Variants in CNTN5 observed in about 807,000 individuals in gnomAD.
CNTN5 encodes contactin 5.
CNTN5 carries 77 observed loss-of-function variants against 129.1 expected under a neutral mutation model. The observed-to-expected ratio is 0.60, with a 90% CI of 0.50 to 0.72. The LOEUF (loss-of-function observed/expected upper bound fraction) is 0.72. CNTN5 is among the 30% of genes least tolerant of loss of function. The pLI, the probability that CNTN5 is intolerant of heterozygous loss-of-function variation, is 0.00. For missense variants in CNTN5, 1,478 were observed against 1,328.8 expected, an observed-to-expected ratio of 1.11 and a Z score of -1.75; for synonymous variants, 509 against 465.6, an observed-to-expected ratio of 1.09 and a Z score of -1.20.
At chr11:100,233,269 G>T (rs1402902636) in intron 16 of CNTN5, among the ~76,000 whole-genome samples, 1 of 152,144 alleles carries the variant, frequency 6.6e-6, no homozygotes, top group Non-Finnish European at 1.5e-5. Flanking sequence ...AAAGAGAGAG[G>T]TAGGGAAAGA....
intron 1 of CNTN5, among the ~76,000 whole-genome samples, chr11:99,145,945 T>A (rs1859763193): frequency 6.6e-6 from 1 of 151,030 alleles, no homozygotes; most frequent in Non-Finnish European, 1.5e-5. Context: ...GTATGTTGAT[T>A]TTTTTTTTAG....
At chr11:99,995,705 C>T (rs761716707) in intron 8 of CNTN5, among the ~76,000 whole-genome samples, 117 of 152,174 alleles carry the variant, frequency 7.7e-4, no homozygotes, top group Non-Finnish European at 1.5e-3. Context: ...TGCACAGTCT[C>T]CTCAGAGAAG....
At chr11:99,439,748 A>G (rs113482231) in intron 2 of CNTN5, among the ~76,000 whole-genome samples, 10,735 of 150,736 alleles carry the variant, frequency 0.071, 449 homozygotes, top group African/African-American at 0.086. Context: ...AAGAAATATC[A>G]CAAATTTGTA....
chr11:99,969,702 G>T (rs1951196775), intron 8 of CNTN5, among the ~76,000 whole-genome samples: 1 of 152,026 alleles, frequency 6.6e-6, no homozygotes, highest in South Asian at 2.1e-4. Context: ...CTGGCAGTTT[G>T]TTCTCCCAAA....
chr11:99,467,244 T>G (rs1342969862), intron 2 of CNTN5, among the ~76,000 whole-genome samples: 2 of 152,168 alleles, frequency 1.3e-5, no homozygotes, highest in Non-Finnish European at 2.9e-5. Context: ...TGCGCTTTTT[T>G]GGGTCTTTCT....
chr11:99,243,869 T>C (rs990301099), intron 1 of CNTN5, among the ~76,000 whole-genome samples: 1 of 151,870 alleles, frequency 6.6e-6, no homozygotes, highest in Non-Finnish European at 1.5e-5. Flanking sequence ...GTACTGAAGC[T>C]TTACAGTATT....
intron 3 of CNTN5, among the ~76,000 whole-genome samples, chr11:99,670,107 ATCT>A (rs1952972398): frequency 6.6e-6 from 1 of 152,114 alleles, no homozygotes; most frequent in Admixed American, 6.5e-5. Context: ...AGTTTAAAAA[ATCT>A]TCTAAGGGAA....
chr11:99,128,058 C>T (rs1858733949), intron 1 of CNTN5, among the ~76,000 whole-genome samples: 1 of 152,112 alleles, frequency 6.6e-6, no homozygotes, highest in South Asian at 2.1e-4. Flanking sequence ...CAACCTCATT[C>T]CAATAACATT....
At chr11:100,280,790 A>ATATGGTGTTTTTCTCT (rs1291881166) in intron 18 of CNTN5, among the ~76,000 whole-genome samples, 1 of 151,900 alleles carries the variant, frequency 6.6e-6, no homozygotes, top group Non-Finnish European at 1.5e-5. Flanking sequence ...CCTATTAGTG[A>ATATGGTGTTTTTCTCT]AGGTGTTTTT....
chr11:99,982,623 AATTT>A (rs1938417267), intron 8 of CNTN5, among the ~76,000 whole-genome samples: 1 of 152,084 alleles, frequency 6.6e-6, no homozygotes, highest in South Asian at 2.1e-4. Context: ...AGACAGGTCA[AATTT>A]ATTTATTTTT....
At chr11:99,194,610 T>C (rs1347157196) in intron 1 of CNTN5, among the ~76,000 whole-genome samples, 3 of 152,100 alleles carry the variant, frequency 2.0e-5, no homozygotes, top group African/African-American at 7.2e-5. Context: ...ATTGAATTAT[T>C]TTTTTTTCTT....
intron 3 of CNTN5, among the ~76,000 whole-genome samples, chr11:99,643,398 A>G (rs1485795883): frequency 6.6e-6 from 1 of 152,304 alleles, no homozygotes; most frequent in Non-Finnish European, 1.5e-5. Flanking sequence ...CAGACATTAT[A>G]CATTCTGTTT....
intron 20 of CNTN5, among the ~76,000 whole-genome samples, chr11:100,299,735 T>C (rs1951177639): frequency 6.6e-6 from 1 of 151,458 alleles, no homozygotes; most frequent in Admixed American, 6.6e-5. Flanking sequence ...GATACTTTTA[T>C]ATTTTTCAAT....
At position 100,039,969 on chromosome 11, in the gene CNTN5, C is replaced by T. The variant is rs190593729; in HGVS notation, c.981-21243C>T. On this transcript the variant is annotated intron_variant, in intron 9 of 24. Coordinates refer to ENST00000524871, the MANE Select transcript of CNTN5 (RefSeq NM_014361.4). ...TGTCTGAAGCCGTCTTCTCTCAACTCGTCAAAGTCATTCTCCATCCAGCTT... is the reference window on the plus strand; with the variant it reads ...TGTCTGAAGCCGTCTTCTCTCAACTTGTCAAAGTCATTCTCCATCCAGCTT... Among the ~76,000 whole-genome samples, 333 of 152,290 alleles carry T rather than the reference C, an allele frequency of 2.2e-3. 1 individual carries two copies. Among genetic ancestry groups the T allele is most frequent in the South Asian group, 8.7e-3 (42 of 4,824 alleles).
chr11:100,149,760 T>C (rs553115319), intron 13 of CNTN5, among the ~76,000 whole-genome samples: 14 of 151,940 alleles, frequency 9.2e-5, no homozygotes, highest in African/African-American at 3.4e-4. Flanking sequence ...CCAGGCATGG[T>C]GGCGGGTGCC....
At chr11:99,587,494 A>T (rs1949835617) in intron 3 of CNTN5, among the ~76,000 whole-genome samples, 1 of 152,138 alleles carries the variant, frequency 6.6e-6, no homozygotes. Flanking sequence ...CTGAGAGAAA[A>T]ACCTACAGTT....
intron 1 of CNTN5, among the ~76,000 whole-genome samples, chr11:99,177,317 T>C (rs1352174693): frequency 2.6e-5 from 4 of 152,180 alleles, no homozygotes; most frequent in Non-Finnish European, 4.4e-5. Flanking sequence ...CTCTCCACTA[T>C]ATAATGTCTA....
At chr11:99,486,156 T>C (rs778427803) in intron 2 of CNTN5, among the ~76,000 whole-genome samples, 10 of 152,100 alleles carry the variant, frequency 6.6e-5, no homozygotes, top group Non-Finnish European at 1.3e-4. Context: ...ATTCAGTTAA[T>C]AGTATTTGTT....
At position 99,045,434 on chromosome 11, in the gene CNTN5, C is replaced by T. The variant is rs11822348; in HGVS notation, c.-210+24164C>T. Among the ~76,000 whole-genome samples, 1,447 of 152,246 alleles carry T rather than the reference C, an allele frequency of 9.5e-3. 23 individuals carry two copies. The highest frequency in any genetic ancestry group is 0.034 in the African/African-American group (1,400 of 41,556). On this transcript the variant is annotated intron_variant, in intron 1 of 24. Transcript: ENST00000524871. ...TAATCTGTGTGCAAATGAGCATCTACGAAAGCATGTTTTTCATCTGGTCCC... is the reference window on the plus strand; with the variant it reads ...TAATCTGTGTGCAAATGAGCATCTATGAAAGCATGTTTTTCATCTGGTCCC...
Sources: allele counts gnomAD v4.1 joint callset (sites outside exome capture counted in the v4.1 genomes callset), GRCh38; gene constraint gnomAD v4.1.1; transcripts MANE v1.5; gene names NCBI Gene and HGNC (gene_info 2026-07-23, HGNC 2026-07-21).